Variants in PRICKLE2 observed in about 807,000 individuals in gnomAD.
The protein encoded by PRICKLE2 is prickle-like protein 2.
In PRICKLE2, 21 loss-of-function variants were observed where a neutral mutation model predicts 81.4. The ratio of observed to expected loss-of-function variants is 0.26; its 90% CI spans 0.18 to 0.37. PRICKLE2 has a LOEUF of 0.37. PRICKLE2 is among the 10% of genes least tolerant of loss of function. The pLI is 1.00. For missense variants in PRICKLE2, 940 were observed against 1,109.0 expected, an observed-to-expected ratio of 0.85 and a Z score of 2.16; for synonymous variants, 456 against 421.5, an observed-to-expected ratio of 1.08 and a Z score of -1.00.
chr3:64,135,047 G>C (rs2077256639), intron 7 of PRICKLE2, among the ~76,000 whole-genome samples: 1 of 152,172 alleles, frequency 6.6e-6, no homozygotes, highest in Admixed American at 6.5e-5. Flanking sequence ...CTCACCAAAA[G>C]CTCAATGTCA....
intron 2 of PRICKLE2, among the ~76,000 whole-genome samples, chr3:64,168,985 C>T (rs557445587): frequency 1.1e-4 from 16 of 151,972 alleles, no homozygotes; most frequent in African/African-American, 3.4e-4. Context: ...CAGCCATATC[C>T]ATTTTTTTTT....
At chr3:64,224,839 C>G in intron 1 of PRICKLE2, 71 bp downstream of exon 1, 1 of 901,846 alleles carries the variant, frequency 1.1e-6, no homozygotes, top group Non-Finnish European at 1.3e-6. Flanking sequence ...GGCCCTAGAT[C>G]TGGCTTTCTC....
At chr3:64,151,585 G>C (rs995515434) in intron 6 of PRICKLE2, among the ~76,000 whole-genome samples, 1 of 152,134 alleles carries the variant, frequency 6.6e-6, no homozygotes, top group African/African-American at 2.4e-5. Context: ...GATGGGAAGG[G>C]GTATTGTTGC....
chr3:64,163,951 T>TC (rs2077779657), intron 2 of PRICKLE2: 2 of 112,058 alleles, frequency 1.8e-5, no homozygotes, highest in Non-Finnish European at 3.8e-5. Flanking sequence ...AAAAAAAAAA[T>TC]CCCACAAGCC....
At chr3:64,126,028 G>C (rs564282759) in intron 7 of PRICKLE2, among the ~76,000 whole-genome samples, 4 of 152,194 alleles carry the variant, frequency 2.6e-5, no homozygotes, top group African/African-American at 7.2e-5. Flanking sequence ...ATAGTCAATG[G>C]GGGGAGAGTA....
intron 7 of PRICKLE2, among the ~76,000 whole-genome samples, chr3:64,125,658 A>C (rs1400625326): frequency 6.6e-6 from 1 of 152,228 alleles, no homozygotes; most frequent in Non-Finnish European, 1.5e-5. Flanking sequence ...AAATTAATGT[A>C]CACTTTTTAG....
chr3:64,160,319 T>C (rs1290553687), intron 3 of PRICKLE2, among the ~76,000 whole-genome samples: 1 of 152,226 alleles, frequency 6.6e-6, no homozygotes, highest in Non-Finnish European at 1.5e-5. Context: ...TCCCAAGCCT[T>C]GGGCAGGCTA....
In PRICKLE2 at chr3:64,099,314, G is replaced by A; in HGVS notation, c.2272C>T (p.Gln758Ter). The change falls in exon 8 of 8, where the codon CAG becomes TAG. Residue 758 changes from glutamine (Q) to a stop codon, truncating the protein, a stop_gained. Transcript: ENST00000638394. LOFTEE classifies it high-confidence loss of function. This position sits in a 1 kb window ranked among gnomAD's most constrained non-coding sequence, Gnocchi z 4.3. ...CCCCAGCGGTCCCCAAAGGCATTCTGCAAAGCCAGGTCCGACACAGTCCTA... is the reference window on the plus strand; with the variant it reads ...CCCCAGCGGTCCCCAAAGGCATTCTACAAAGCCAGGTCCGACACAGTCCTA... The part of the protein sequence containing the change: ...CPRTVSDLAL[Q>*]NAFGDRWGPY... 1 of 1,614,202 alleles carries A rather than the reference G, an allele frequency of 6.2e-7. No individual in the cohort carries two copies. The highest frequency in any genetic ancestry group is 8.5e-7 in the Non-Finnish European group (1 of 1,180,044).
At chr3:64,199,336 A>C in intron 1 of PRICKLE2, 1 of 336,676 alleles carries the variant, frequency 3.0e-6, no homozygotes. Flanking sequence ...ATAGCAATTA[A>C]ATATACATAA....
intron 2 of PRICKLE2, among the ~76,000 whole-genome samples, chr3:64,180,586 G>A (rs1382398592): frequency 2.0e-5 from 3 of 151,566 alleles, no homozygotes; most frequent in Non-Finnish European, 4.4e-5. Context: ...AGGCTGGAGT[G>A]CAGTAGCACT....
intron 2 of PRICKLE2, among the ~76,000 whole-genome samples, chr3:64,189,592 T>C (rs1310995124): frequency 6.6e-6 from 1 of 152,228 alleles, no homozygotes. Flanking sequence ...TTTCTGATCC[T>C]GTGAGCCTCA....
intron 3 of PRICKLE2, 62 bp from the exon 4 acceptor site, chr3:64,160,139 C>A: frequency 1.3e-6 from 2 of 1,574,284 alleles, no homozygotes; most frequent in South Asian, 1.1e-5. Context: ...TTTCTGAAGC[C>A]CATGACTCTG....
chr3:64,136,541 G>A (rs969053368), intron 7 of PRICKLE2, among the ~76,000 whole-genome samples: 7 of 151,410 alleles, frequency 4.6e-5, no homozygotes, highest in Admixed American at 2.6e-4. Flanking sequence ...TGGAGAAATA[G>A]ACTCCCCAAA....
intron 2 of PRICKLE2, among the ~76,000 whole-genome samples, chr3:64,166,171 C>T (rs1346922615): frequency 1.3e-5 from 2 of 152,116 alleles, no homozygotes; most frequent in Non-Finnish European, 2.9e-5. Context: ...TGCAGATCTG[C>T]TTCTCACCTT....
intron 2 of PRICKLE2, among the ~76,000 whole-genome samples, chr3:64,230,656 C>CCTTT (rs762853700): frequency 1.3e-5 from 2 of 152,226 alleles, no homozygotes; most frequent in Non-Finnish European, 2.9e-5. Context: ...AAAACTCCAA[C>CCTTT]AAAAAAGACC....
chr3:64,103,024 T>C (rs1179366315), intron 7 of PRICKLE2: 1 of 152,234 alleles, frequency 6.6e-6, no homozygotes, highest in African/African-American at 2.4e-5. Context: ...AGGTTAACAA[T>C]GGATCAATCT....
At chr3:64,224,808 A>G (rs1282485462) in intron 1 of PRICKLE2, 102 bp downstream of exon 1, 2 of 660,688 alleles carry the variant, frequency 3.0e-6, no homozygotes, top group Non-Finnish European at 3.8e-6. Context: ...ACGAAGACCC[A>G]ATATCCTCCC....
intron 6 of PRICKLE2, among the ~76,000 whole-genome samples, chr3:64,150,602 T>C (rs895583169): frequency 1.3e-5 from 2 of 152,160 alleles, no homozygotes; most frequent in African/African-American, 4.8e-5. Context: ...GAGCTCATGA[T>C]GGCATCCCTG....
At chr3:64,248,127 C>T (rs1048128371) in intron 2 of PRICKLE2, among the ~76,000 whole-genome samples, 13 of 152,310 alleles carry the variant, frequency 8.5e-5, no homozygotes, top group African/African-American at 3.1e-4. Flanking sequence ...CCCACTATCT[C>T]ACCAGATGAA....
Sources: allele counts gnomAD v4.1 joint callset (sites outside exome capture counted in the v4.1 genomes callset), GRCh38; gene constraint gnomAD v4.1.1; non-coding constraint Gnocchi (gnomAD v3.1); transcripts MANE v1.5; gene names NCBI Gene and HGNC (gene_info 2026-07-23, HGNC 2026-07-21).